Variants in RARB observed in about 807,000 individuals in gnomAD.
The protein encoded by RARB is HBV-activated protein.
A neutral mutation model predicts 51.9 loss-of-function variants in RARB; 17 were observed. The observed-to-expected ratio is 0.33, with a 90% CI of 0.22 to 0.49. The LOEUF is 0.49. RARB is among the 20% of genes least tolerant of loss of function. The probability of loss-of-function intolerance (pLI) is 0.99; values close to 1 mark genes in which losing one functional copy is unlikely to be tolerated. For missense variants in RARB, 369 were observed against 550.8 expected, an observed-to-expected ratio of 0.67 and a Z score of 3.30; for synonymous variants, 215 against 195.4, an observed-to-expected ratio of 1.10 and a Z score of -0.84.
At chr3:24,992,033 C>T (rs1307136306) in intron 2 of RARB, among the ~76,000 whole-genome samples, 1 of 152,108 alleles carries the variant, frequency 6.6e-6, no homozygotes, top group Non-Finnish European at 1.5e-5. Context: ...CTCCTTATAC[C>T]AGGGCACTCC....
intron 5 of RARB, among the ~76,000 whole-genome samples, chr3:25,583,540 G>T (rs1701267573): frequency 2.0e-5 from 3 of 152,258 alleles, no homozygotes; most frequent in Non-Finnish European, 4.4e-5. Flanking sequence ...TTCACAGGAA[G>T]ATGCGGTCAG....
intron 2 of RARB, among the ~76,000 whole-genome samples, chr3:24,947,944 A>AT (rs113778401): frequency 2.7e-3 from 391 of 146,850 alleles, no homozygotes; most frequent in East Asian, 0.011. Context: ...GATGTTACCA[A>AT]TTTTTTTTTT....
chr3:25,197,855 A>G (rs7612664), intron 5 of RARB, among the ~76,000 whole-genome samples: 2,954 of 152,126 alleles, frequency 0.019, 96 homozygotes, highest in African/African-American at 0.067. Context: ...TCTTCATACT[A>G]CGCGAAGCAA....
chr3:25,485,035 CA>C (rs1178507367), intron 2 of RARB, among the ~76,000 whole-genome samples: 15 of 152,156 alleles, frequency 9.9e-5, no homozygotes, highest in African/African-American at 3.6e-4. Context: ...GTTTCACACA[CA>C]CACGATACAC....
At chr3:24,934,007 A>T (rs538014547) in intron 2 of RARB, among the ~76,000 whole-genome samples, 1 of 152,168 alleles carries the variant, frequency 6.6e-6, no homozygotes, top group Non-Finnish European at 1.5e-5. Context: ...TAATCGAACA[A>T]TGTTTTGTTT....
At chr3:25,367,974 G>A (rs533997947) in intron 5 of RARB, among the ~76,000 whole-genome samples, 74 of 152,228 alleles carry the variant, frequency 4.9e-4, no homozygotes, top group Non-Finnish European at 4.7e-4. Context: ...TAAGTTTTCG[G>A]TGCTCCTCTG....
intron 3 of RARB, among the ~76,000 whole-genome samples, chr3:25,126,701 T>C (rs1451905500): frequency 6.6e-6 from 1 of 152,178 alleles, no homozygotes; most frequent in Non-Finnish European, 1.5e-5. Context: ...AACTTTCATC[T>C]CCTGAAAAGC....
At chr3:25,504,548 G>T (rs1401411278) in intron 3 of RARB, among the ~76,000 whole-genome samples, 1 of 152,164 alleles carries the variant, frequency 6.6e-6, no homozygotes, top group Non-Finnish European at 1.5e-5. Context: ...TGGGTGGGGA[G>T]TGTGGAAGAA....
intron 5 of RARB, among the ~76,000 whole-genome samples, chr3:25,246,746 G>C (rs562227942): frequency 6.6e-6 from 1 of 152,130 alleles, no homozygotes; most frequent in African/African-American, 2.4e-5. Context: ...TCTTCTAAGA[G>C]GTGTCTGTTG....
At chr3:25,209,766 A>T (rs1186425747) in intron 5 of RARB, among the ~76,000 whole-genome samples, 1 of 152,148 alleles carries the variant, frequency 6.6e-6, no homozygotes. Flanking sequence ...CTTGCAATGC[A>T]GTCCTATTCA....
At chr3:24,949,741 C>T (rs1375164369) in intron 2 of RARB, among the ~76,000 whole-genome samples, 1 of 152,196 alleles carries the variant, frequency 6.6e-6, no homozygotes, top group African/African-American at 2.4e-5. Flanking sequence ...CATTACGCTA[C>T]AGTCTCTGAG....
intron 5 of RARB, among the ~76,000 whole-genome samples, chr3:25,303,673 T>A (rs933127298): frequency 3.3e-5 from 5 of 152,230 alleles, no homozygotes; most frequent in Admixed American, 3.3e-4. Context: ...CCTCAATAAA[T>A]GTGTTATTTA....
intron 2 of RARB, among the ~76,000 whole-genome samples, chr3:24,951,467 C>G (rs141334614): frequency 6.6e-6 from 1 of 152,248 alleles, no homozygotes; most frequent in East Asian, 1.9e-4. Context: ...GAGTGATGTG[C>G]TTAGGATCTG....
chr3:24,995,258 G>C (rs1231950728), intron 2 of RARB, among the ~76,000 whole-genome samples: 1 of 151,534 alleles, frequency 6.6e-6, no homozygotes, highest in African/African-American at 2.4e-5. Context: ...TTGTAAATGG[G>C]ATTGCCTTTT....
chr3:25,148,423 G>C (rs908905804), intron 4 of RARB, among the ~76,000 whole-genome samples: 1 of 152,164 alleles, frequency 6.6e-6, no homozygotes, highest in Admixed American at 6.5e-5. Flanking sequence ...TGGATCAGGG[G>C]ATTCTATTGA....
intron 2 of RARB, among the ~76,000 whole-genome samples, chr3:24,928,540 T>C (rs913882035): frequency 6.6e-6 from 1 of 152,110 alleles, no homozygotes; most frequent in Non-Finnish European, 1.5e-5. Context: ...CTTTTTGTTC[T>C]GTAATCTTAA....
At position 25,099,757 on chromosome 3, in the gene RARB, G is replaced by A. The variant is rs1020097461; in HGVS notation, c.-327-32404G>A. 1.4e-4 allele frequency among the ~76,000 whole-genome samples: 22 copies of A among 151,928 alleles called. 2 individuals carry two copies. The highest frequency in any genetic ancestry group is 1.2e-3 in the Admixed American group (19 of 15,220). On this transcript the variant is annotated intron_variant, in intron 3 of 11. Transcript: ENST00000383772. ...CTTTGCTGTCCTTTTTCGGTTTTCC[G>A]AGTCTCGGCAATCATAGACCTGAAC...
intron 5 of RARB, among the ~76,000 whole-genome samples, chr3:25,367,210 ATGT>A (rs149606143): frequency 6.6e-6 from 1 of 152,294 alleles, no homozygotes; most frequent in African/African-American, 2.4e-5. Flanking sequence ...TGGGTTTTCA[ATGT>A]TGGTACAGAG....
chr3:25,104,263 T>C (rs1559467623), intron 3 of RARB, among the ~76,000 whole-genome samples: 2 of 152,178 alleles, frequency 1.3e-5, no homozygotes, highest in Non-Finnish European at 2.9e-5. Context: ...AGAGCACCCA[T>C]ACATTGTTGA....
Sources: gnomAD v4.1 joint callset for allele counts (sites outside exome capture counted in the v4.1 genomes callset) on GRCh38, gnomAD v4.1.1 for gene constraint, MANE v1.5 for transcripts, NCBI Gene and HGNC (gene_info 2026-07-23, HGNC 2026-07-21) for gene names.